The following ADAM11 variants were observed in gnomAD, a reference collection of about 807,000 sequenced individuals.
The protein encoded by ADAM11 is disintegrin and metalloproteinase domain-containing protein 11.
ADAM11 carries 49 observed loss-of-function variants against 119.1 expected under a neutral mutation model. The observed-to-expected ratio is 0.41, with a 90% CI of 0.33 to 0.52. The LOEUF is 0.52. Among genes scored for constraint, ADAM11 ranks in the 20% least tolerant of loss-of-function variants. The pLI is 0.20. For synonymous variants in ADAM11, 364 were observed against 408.0 expected, an observed-to-expected ratio of 0.89 and a Z score of 1.30; for missense variants, 777 against 1,047.5, an observed-to-expected ratio of 0.74 and a Z score of 3.56.
chr17:44,763,727 T>C (rs989663879), intron 2 of ADAM11, among the ~76,000 whole-genome samples: 32 of 151,904 alleles, frequency 2.1e-4, no homozygotes, highest in Non-Finnish European at 4.3e-4. Flanking sequence ...CTTTCTTTTT[T>C]TTTTTTTAAG....
At chr17:44,768,383 G>A (rs917056120) in intron 2 of ADAM11, among the ~76,000 whole-genome samples, 5 of 152,206 alleles carry the variant, frequency 3.3e-5, no homozygotes, top group African/African-American at 1.2e-4. Context: ...GGCCCTGGCC[G>A]TTGGTGCCCC....
chr17:44,778,622 T>C (rs1044891158), intron 25 of ADAM11, among the ~76,000 whole-genome samples: 2 of 122,040 alleles, frequency 1.6e-5, no homozygotes, highest in African/African-American at 6.4e-5. Context: ...ACCGGGGAGG[T>C]GGAGGTTGCA....
chr17:44,771,930 C>T (rs1598888980), intron 6 of ADAM11, 99 bp downstream of exon 6: 2 of 1,374,662 alleles, frequency 1.5e-6, no homozygotes, highest in Non-Finnish European at 2.0e-6. Flanking sequence ...GCTCCTCCCT[C>T]AGTAACCCCA....
chr17:44,761,780 A>G lies in ADAM11; in HGVS notation c.237+1883A>G, dbSNP rs374180259. ...CTCTGCCAAGCTTTGTATGCACTCTACATCACTTATTTCTCACAACTCTGT... is the reference window on the plus strand; with the variant it reads ...CTCTGCCAAGCTTTGTATGCACTCTGCATCACTTATTTCTCACAACTCTGT... On this transcript the variant is annotated intron_variant, in intron 2 of 26. Transcript: ENST00000200557. Among the ~76,000 whole-genome samples, 2 of 152,058 alleles carry G rather than the reference A, an allele frequency of 1.3e-5. 1 individual carries two copies. The highest frequency in any genetic ancestry group is 4.1e-4 in the South Asian group (2 of 4,826).
At chr17:44,769,919 C>A (rs530926987) in intron 3 of ADAM11, 63 bp from the exon 4 acceptor site, 6 of 1,608,252 alleles carry the variant, frequency 3.7e-6, no homozygotes, top group Non-Finnish European at 8.5e-7. Flanking sequence ...TGACCTGAGG[C>A]GAGCCTCAAG....
At position 44,772,232 on chromosome 17, in the gene ADAM11, T is replaced by C; in HGVS notation, c.544-35T>C. The C allele has an allele frequency of 6.3e-7, 1 of 1,583,778 alleles. No individual in the cohort carries two copies. Among genetic ancestry groups the C allele is most frequent in the Non-Finnish European group, 8.6e-7 (1 of 1,160,998 alleles). On this transcript the variant is annotated intron_variant, in intron 6 of 26. Coordinates refer to ENST00000200557, the MANE Select transcript of ADAM11 (RefSeq NM_002390.6). The surrounding 1 kb of genome is among the most constrained non-coding windows in gnomAD (Gnocchi z 4.5). ...CCAAGTGGGCCTGGAGCAGGCCCAG[T>C]TGGCACCCCAAGAACTAATTTCCCC...
Position 44,773,569 on chromosome 17 carries a change from C to A in ADAM11, c.992+142C>A. 2 of 997,282 alleles carry A rather than the reference C, an allele frequency of 2.0e-6. No individual in the cohort carries two copies. The highest frequency in any genetic ancestry group is 1.6e-5 in the African/African-American group (1 of 61,686). 61.8% of individuals were successfully genotyped at this position (997,282 alleles called of 1,614,324 possible). On this transcript the variant is annotated intron_variant, in intron 11 of 26. Coordinates refer to ENST00000200557, the MANE Select transcript of ADAM11 (RefSeq NM_002390.6). This position sits in a 1 kb window ranked among gnomAD's most constrained non-coding sequence, Gnocchi z 4.6. ...CTTGCACCTGCCACCTACCCCCAGC[C>A]ACATGCAACAGCTGGGCATCATCCC...
In ADAM11 at chr17:44,772,216, C is replaced by G; in HGVS notation, c.544-51C>G. On this transcript the variant is annotated intron_variant, in intron 6 of 26. Coordinates refer to ENST00000200557, the MANE Select transcript of ADAM11 (RefSeq NM_002390.6). The surrounding 1 kb of genome is among the most constrained non-coding windows in gnomAD (Gnocchi z 4.5). ...CTGGATCTGGCCCCCGCCAAGTGGG[C>G]CTGGAGCAGGCCCAGTTGGCACCCC... 1.3e-6 allele frequency: 2 copies of G among 1,539,280 alleles called. No homozygotes were observed. Among genetic ancestry groups the G allele is most frequent in the South Asian group, 1.2e-5 (1 of 84,460 alleles).
At position 44,777,131 on chromosome 17, in the gene ADAM11, G is replaced by A; in HGVS notation, c.1682-35G>A. The A allele has an allele frequency of 6.3e-7, 1 of 1,576,916 alleles. No individual in the cohort carries two copies. ...CCTGAGGTCTTGGGGTGGGTCCTGG[G>A]GCGCGTGGGGTCACTTGGCATCCTC... On this transcript the variant is annotated intron_variant, in intron 20 of 26. Transcript: ENST00000200557. This position sits in a 1 kb window ranked among gnomAD's most constrained non-coding sequence, Gnocchi z 5.1.
At chr17:44,770,637 G>A (rs1274077432) in intron 4 of ADAM11, among the ~76,000 whole-genome samples, 2 of 152,136 alleles carry the variant, frequency 1.3e-5, no homozygotes, top group Non-Finnish European at 2.9e-5. Flanking sequence ...TCACTCCTCA[G>A]CCAACCACAG....
At position 44,776,042 on chromosome 17, in the gene ADAM11, T is replaced by TG; in HGVS notation, c.1486-80dup. The TG allele has an allele frequency of 1.3e-6, 2 of 1,488,096 alleles. No homozygotes were observed. Among genetic ancestry groups the TG allele is most frequent in the Non-Finnish European group, 1.9e-6 (2 of 1,079,000 alleles). 92.2% of individuals were successfully genotyped at this position (1,488,096 alleles called of 1,614,324 possible). ...TGGGGAGCTGGAGGGCCCGGGGATG[T>TG]GGGGGTCCAGAGAGCGAGGGGCCTG... On this transcript the variant is annotated intron_variant, in intron 17 of 26. Transcript: ENST00000200557. The surrounding 1 kb of genome is among the most constrained non-coding windows in gnomAD (Gnocchi z 5.2).
In ADAM11 at chr17:44,769,699, C is replaced by CGGGGGGGG; in HGVS notation, c.238-19_238-18insGGGGGGGG. On this transcript the variant is annotated intron_variant, in intron 2 of 26. Coordinates refer to ENST00000200557, the MANE Select transcript of ADAM11 (RefSeq NM_002390.6). ...AGGCCTCCCTGGGTTGACTCCCCCT[C>CGGGGGGGG]TGCCCTCCCCCCACCCAGCCTGTCC... 3.2e-6 allele frequency: 5 copies of CGGGGGGGG among 1,574,524 alleles called. No homozygotes were observed. The highest frequency in any genetic ancestry group is 4.4e-6 in the Non-Finnish European group (5 of 1,145,062).
At chr17:44,767,851 G>T (rs909806667) in intron 2 of ADAM11, among the ~76,000 whole-genome samples, 3 of 152,222 alleles carry the variant, frequency 2.0e-5, no homozygotes, top group African/African-American at 4.8e-5. Context: ...GGACTGGCTT[G>T]GCCTCTGCAG....
intron 3 of ADAM11, 35 bp downstream of exon 3, chr17:44,769,829 T>G (rs747675709): frequency 1.9e-6 from 3 of 1,602,894 alleles, no homozygotes; most frequent in Non-Finnish European, 2.6e-6. Flanking sequence ...GGAAGGGCAG[T>G]GGTGGGGCGG....
rs1233012635 is a variant in ADAM11, at chr17:44,776,406, T to A, written c.1566+199T>A. ...TGTTCCTTCAATCATTAAACCAGAA[T>A]GTATCGTCTGGCTGGTATTCCCAGC... On this transcript the variant is annotated intron_variant, in intron 18 of 26. Transcript: ENST00000200557. The surrounding 1 kb of genome is among the most constrained non-coding windows in gnomAD (Gnocchi z 5.2). Among the ~76,000 whole-genome samples the A allele has an allele frequency of 6.6e-6, 1 of 152,180 alleles. No homozygotes were observed. The highest frequency in any genetic ancestry group is 2.4e-5 in the African/African-American group (1 of 41,438).
intron 26 of ADAM11, 166 bp downstream of exon 26, chr17:44,779,405 C>T (rs978546627): frequency 2.0e-6 from 2 of 985,258 alleles, no homozygotes; most frequent in East Asian, 1.1e-4. Context: ...GGGAGAGCCT[C>T]GCTCAGGGAA....
In ADAM11 at chr17:44,759,161, GGCAGCCGCA is replaced by G. The variant is rs1212611052; in HGVS notation, c.-36_-28del. The G allele has an allele frequency of 8.4e-7, 1 of 1,192,870 alleles. No homozygotes were observed. Among genetic ancestry groups the G allele is most frequent in the Non-Finnish European group, 1.0e-6 (1 of 961,710 alleles). The allele number at this position is 1,192,870 out of a possible 1,614,324, so 73.9% of individuals were successfully genotyped here. ...CTGCTCCCGCCCTCCCCGCGCCGCTGGCAGCCGCAGCCCCCGGACCGGGAGGAATGAGCG... is the reference window on the plus strand; with the variant it reads ...CTGCTCCCGCCCTCCCCGCGCCGCTGGCCCCCGGACCGGGAGGAATGAGCG... On this transcript the variant is annotated 5_prime_UTR_variant, in exon 1 of 27. Coordinates refer to ENST00000200557, the MANE Select transcript of ADAM11 (RefSeq NM_002390.6).
In ADAM11 at chr17:44,777,407, G is replaced by T; in HGVS notation, c.1782-75G>T. On this transcript the variant is annotated intron_variant, in intron 21 of 26. Transcript: ENST00000200557. The surrounding 1 kb of genome is among the most constrained non-coding windows in gnomAD (Gnocchi z 5.1). ...GGCAAATGAGGTGGCAGGGTGCAGG[G>T]TGAGGGCAGATTAGAGTTCAGTAGT... 1.3e-6 allele frequency: 2 copies of T among 1,562,144 alleles called. No individual in the cohort carries two copies. Among genetic ancestry groups the T allele is most frequent in the Non-Finnish European group, 1.8e-6 (2 of 1,136,452 alleles).
rs1407812540 is a variant in ADAM11, at chr17:44,771,568, T to G, written c.382-16T>G. ...GGCCTCATGCCAGCGTTCTGCTCACTGTTCTGCTCCTTCAGGGGGCTGGAG... is the reference window on the plus strand; with the variant it reads ...GGCCTCATGCCAGCGTTCTGCTCACGGTTCTGCTCCTTCAGGGGGCTGGAG... On this transcript the variant is annotated splice_polypyrimidine_tract_variant and intron_variant, in intron 4 of 26. Coordinates refer to ENST00000200557, the MANE Select transcript of ADAM11 (RefSeq NM_002390.6). 3 of 1,609,666 alleles carry G rather than the reference T, an allele frequency of 1.9e-6. No homozygotes were observed. Among genetic ancestry groups the G allele is most frequent in the Non-Finnish European group, 2.5e-6 (3 of 1,179,024 alleles).
Sources: gnomAD v4.1 joint callset for allele counts (sites outside exome capture counted in the v4.1 genomes callset) on GRCh38, gnomAD v4.1.1 for gene constraint, Gnocchi (gnomAD v3.1) non-coding constraint, MANE v1.5 for transcripts, NCBI Gene and HGNC (gene_info 2026-07-23, HGNC 2026-07-21) for gene names.